The following MBTPS2 variants were observed in gnomAD, a reference collection of about 807,000 sequenced individuals.
MBTPS2 encodes membrane-bound transcription factor site-2 protease.
In MBTPS2, 2 loss-of-function variants were observed where a neutral mutation model predicts 35.4. The ratio of observed to expected loss-of-function variants is 0.06; its 90% CI spans 0.02 to 0.18. The LOEUF (loss-of-function observed/expected upper bound fraction) is 0.18. Among genes scored for constraint, MBTPS2 ranks in the 10% least tolerant of loss-of-function variants. The pLI is 1.00. For synonymous variants in MBTPS2, 125 were observed against 140.4 expected, an observed-to-expected ratio of 0.89 and a Z score of 0.77; for missense variants, 244 against 386.5, an observed-to-expected ratio of 0.63 and a Z score of 3.09.
rs754380411 is a variant in MBTPS2 at position 21,878,236 on chromosome X, C to G, written c.1065+100C>G. On this transcript the variant is annotated intron_variant, in intron 8 of 10. Transcript: ENST00000379484. ...TCTATGGAAACTTCTCTCTTTTGCT[C>G]TATTTGTATCATTTTATTAAAATCT... The G allele has an allele frequency of 5.2e-6, 3 of 576,078 alleles. No individual in the cohort carries two copies. The East Asian group carries it at 1.1e-4, about 20-fold the overall frequency. The allele number at this position is 576,078 out of a possible 1,213,427, so 47.5% of individuals were successfully genotyped here.
At chrX:21,859,682 A>T (rs2092928729) in intron 5 of MBTPS2, among the ~76,000 whole-genome samples, 1 of 112,126 alleles carries the variant, frequency 8.9e-6, no homozygotes, top group Admixed American at 9.5e-5. Flanking sequence ...CAGAAGCTAG[A>T]ACTAAAGAAA....
Position 21,856,326 on chromosome X carries a change from T to C in MBTPS2, c.670+2823T>C, listed in dbSNP as rs757855959. On this transcript the variant is annotated intron_variant, in intron 5 of 10. Transcript: ENST00000379484. ...CGCCTTTCTCTGCAGCTCGCGCCTT[T>C]CTCTGCAGCTCGCGCCTTTCTCTGC... 6.2e-6 allele frequency: 3 copies of C among 480,311 alleles called. No homozygotes were observed. The African/African-American group carries it at 7.4e-5, about 12-fold the overall frequency. 39.6% of individuals were successfully genotyped at this position (480,311 alleles called of 1,213,427 possible).
At chrX:21,856,348 C>CTGCAGCTCGCGCCTTTCTT in intron 5 of MBTPS2, 7 of 593,359 alleles carry the variant, frequency 1.2e-5, no homozygotes, top group Admixed American at 3.1e-5. Context: ...GCGCCTTTCT[C>CTGCAGCTCGCGCCTTTCTT]TGCAGCTCGC....
chrX:21,879,979 G>GTTTTTTT (rs2092957535), intron 9 of MBTPS2, among the ~76,000 whole-genome samples: 1 of 49,856 alleles, frequency 2.0e-5, no homozygotes, highest in Non-Finnish European at 3.0e-5. Flanking sequence ...TTGAGACGGA[G>GTTTTTTT]TTTCGCTCTT....
intron 6 of MBTPS2, 40 bp downstream of exon 6, chrX:21,868,625 T>A: frequency 1.1e-6 from 1 of 919,015 alleles, no homozygotes; most frequent in Non-Finnish European, 1.6e-6. Context: ...TCATCAGATG[T>A]TGTGATGTAA....
intron 5 of MBTPS2, among the ~76,000 whole-genome samples, chrX:21,864,018 G>A (rs901512864): frequency 1.8e-5 from 2 of 112,208 alleles, no homozygotes; most frequent in African/African-American, 6.5e-5. Flanking sequence ...CATCAAAGTG[G>A]AAGACAACGT....
chrX:21,855,767 C>G (rs1285908217), intron 5 of MBTPS2, among the ~76,000 whole-genome samples: 5 of 107,739 alleles, frequency 4.6e-5, no homozygotes, highest in African/African-American at 6.8e-5. Flanking sequence ...GAGAATCACT[C>G]GAACCCAGGA....
chrX:21,862,061 T>C (rs1419891317), intron 5 of MBTPS2, among the ~76,000 whole-genome samples: 1 of 111,747 alleles, frequency 8.9e-6, no homozygotes, highest in African/African-American at 3.3e-5. Flanking sequence ...TTAGCTCTGC[T>C]ATTCCCAACA....
Position 21,844,334 on chromosome X carries a change from G to A in MBTPS2, c.225-837G>A, listed in dbSNP as rs188882109. Among the ~76,000 whole-genome samples, 578 of 109,870 alleles carry A rather than the reference G, an allele frequency of 5.3e-3. 2 individuals are homozygous for A. The highest frequency in any genetic ancestry group is 0.018 in the African/African-American group (552 of 30,261). On this transcript the variant is annotated intron_variant, in intron 2 of 10. Transcript: ENST00000379484. ...TCGAAACCAGCCTGGGTAACATGGCGAAACCCCATCTCTACAAAAAATATA... is the reference window on the plus strand; with the variant it reads ...TCGAAACCAGCCTGGGTAACATGGCAAAACCCCATCTCTACAAAAAATATA...
intron 5 of MBTPS2, among the ~76,000 whole-genome samples, chrX:21,866,541 A>G (rs1349274421): frequency 1.8e-5 from 2 of 111,953 alleles, no homozygotes; most frequent in Admixed American, 9.5e-5. Context: ...GATCTCATTC[A>G]GAAAGTAATG....
Position 21,885,221 on chromosome X carries a change from A to C in MBTPS2, c.*2566A>C. 1 of 751,803 alleles carries C rather than the reference A, an allele frequency of 1.3e-6. No homozygotes were observed. Among genetic ancestry groups the C allele is most frequent in the Non-Finnish European group, 1.6e-6 (1 of 636,981 alleles). 62.0% of individuals were successfully genotyped at this position (751,803 alleles called of 1,213,427 possible). Reference sequence around the variant, plus strand: ...ACAGCAAATTGTAAACATGTGCTTCATAGATATTGTGGCTCTCAGTCATCA... The same window carrying C: ...ACAGCAAATTGTAAACATGTGCTTCCTAGATATTGTGGCTCTCAGTCATCA... On this transcript the variant is annotated 3_prime_UTR_variant, in exon 11 of 11. Coordinates refer to ENST00000379484, the MANE Select transcript of MBTPS2 (RefSeq NM_015884.4).
chrX:21,860,024 C>G (rs1206239428), intron 5 of MBTPS2, among the ~76,000 whole-genome samples: 1 of 106,390 alleles, frequency 9.4e-6, no homozygotes, highest in Non-Finnish European at 1.9e-5. Context: ...CTGGGGAAGT[C>G]GAGGCTGCGG....
intron 9 of MBTPS2, 44 bp downstream of exon 9, chrX:21,878,736 C>T: frequency 2.3e-6 from 2 of 881,100 alleles, no homozygotes; most frequent in Non-Finnish European, 3.4e-6. Flanking sequence ...ATTAAGATCA[C>T]ATATAGTCTC....
chrX:21,856,289 CTCT>C, intron 5 of MBTPS2: 3 of 275,019 alleles, frequency 1.1e-5, no homozygotes, highest in South Asian at 4.9e-5. Flanking sequence ...TCGCGCCTTT[CTCT>C]GCAGCTCGCG....
At chrX:21,881,844 G>A (rs1191144580) in intron 10 of MBTPS2, among the ~76,000 whole-genome samples, 2 of 110,986 alleles carry the variant, frequency 1.8e-5, no homozygotes, top group Non-Finnish European at 3.8e-5. Context: ...GTTGAGACAG[G>A]AGAATCGCTT....
At chrX:21,880,810 C>T (rs184704972) in intron 9 of MBTPS2, 87 bp from the exon 10 acceptor site, 1 of 653,990 alleles carries the variant, frequency 1.5e-6, no homozygotes, top group East Asian at 3.4e-5. Context: ...ATCTGCTAGC[C>T]CAATTTTTAA....
intron 5 of MBTPS2, chrX:21,857,626 C>T (rs768758825): frequency 8.5e-7 from 1 of 1,179,008 alleles, no homozygotes; most frequent in Middle Eastern, 2.4e-4. Flanking sequence ...CCCTCTCAGA[C>T]TTGGGAATTA....
At chrX:21,839,933 G>C in intron 1 of MBTPS2, 124 bp downstream of exon 1, 1 of 654,383 alleles carries the variant, frequency 1.5e-6, no homozygotes, top group Non-Finnish European at 2.4e-6. Flanking sequence ...CAGTCCGCGT[G>C]GTGGATCGGC....
chrX:21,859,241 A>G (rs768302885), intron 5 of MBTPS2, among the ~76,000 whole-genome samples: 8 of 109,741 alleles, frequency 7.3e-5, no homozygotes, highest in Admixed American at 3.9e-4. Flanking sequence ...TAATAAGTCT[A>G]TGTATGGTTT....
Sources: gnomAD v4.1 joint callset for allele counts (sites outside exome capture counted in the v4.1 genomes callset) on GRCh38, gnomAD v4.1.1 for gene constraint, MANE v1.5 for transcripts, NCBI Gene and HGNC (gene_info 2026-07-23, HGNC 2026-07-21) for gene names.